KCP: variants seen among roughly 807,000 people sequenced by gnomAD.
KCP encodes kielin/chordin-like protein.
In KCP, 194 loss-of-function variants were observed where a neutral mutation model predicts 212.7. That is an observed-to-expected ratio of 0.91 (90% CI 0.81 to 1.03). KCP has a LOEUF of 1.03. Ranked by LOEUF, KCP falls within the 50% of genes least tolerant of loss-of-function variation. KCP has a pLI of 0.00. For missense variants in KCP, 2,080 were observed against 2,162.5 expected (o/e 0.96, Z 0.76); for synonymous variants, 833 against 865.3 (o/e 0.96, Z 0.65).
At chr7:128,888,341 CACACACAT>C (rs779009943) in intron 22 of KCP, among the ~76,000 whole-genome samples, 28,527 of 144,648 alleles carry the variant, frequency 0.2, 3,340 homozygotes, top group East Asian at 0.5. Context: ...CACACACACA[CACACACAT>C]ACACAGATAC....
In KCP at chr7:128,907,424, C is replaced by T. The variant is rs1394522086; in HGVS notation, c.249G>A (p.Gln83=). 1.3e-6 allele frequency: 2 copies of T among 1,509,338 alleles called. No individual in the cohort carries two copies. Among genetic ancestry groups the T allele is most frequent in the African/African-American group, 1.4e-5 (1 of 71,778 alleles). The allele number at this position is 1,509,338 out of a possible 1,614,324, so 93.5% of individuals were successfully genotyped here. Residue 83 remains glutamine, a synonymous_variant, in exon 3 of 40, where the codon CAG becomes CAA. Transcript: ENST00000610776. ...CAGGGTGGCACTCACAGGACTCCAG[C>T]TGCCTCACCCTCGTCTGCAGGTCCT... ...QNKDLQTRVR[Q]LESCECHPAS... is the part of the protein sequence containing the mutation.
intron 27 of KCP, 112 bp downstream of exon 27, chr7:128,884,985 G>A (rs540076614): frequency 2.2e-5 from 33 of 1,497,454 alleles, no homozygotes; most frequent in African/African-American, 1.9e-4. Context: ...GCACAAGGAC[G>A]GAGGCCACTT....
In KCP at chr7:128,887,389, A is replaced by C; in HGVS notation, c.2513-89T>G. On this transcript the variant is annotated intron_variant, in intron 22 of 39. Coordinates refer to ENST00000610776, the MANE Select transcript of KCP (RefSeq NM_001366122.1). ...ACACAGCCCCTCCCCCTCCACACAT[A>C]CACAGCCACAGCCACAGACACACAC... The C allele has an allele frequency of 3.0e-6, 3 of 985,912 alleles. No homozygotes were observed. The South Asian group carries it at 4.1e-5, about 14-fold the overall frequency. The allele number at this position is 985,912 out of a possible 1,614,324, so 61.1% of individuals were successfully genotyped here.
At position 128,886,402 on chromosome 7, in the gene KCP, G is replaced by C. The variant is rs1027877953; in HGVS notation, c.2866+62C>G. 4 of 1,372,352 alleles carry C rather than the reference G, an allele frequency of 2.9e-6. No individual in the cohort carries two copies. In the African/African-American group the frequency reaches 4.4e-5, roughly 15 times the overall value. The allele number at this position is 1,372,352 out of a possible 1,614,324, so 85.0% of individuals were successfully genotyped here. On this transcript the variant is annotated intron_variant, in intron 26 of 39. Transcript: ENST00000610776. The stretch of plus-strand genomic sequence containing the variant: ...AGCTGGCTGAGGGGAGGGAGGTGGG[G>C]TGGACAGAGGGACACAGGGCCAAGG...
At chr7:128,905,903 G>A (rs1585256742) in intron 5 of KCP, among the ~76,000 whole-genome samples, 1 of 152,034 alleles carries the variant, frequency 6.6e-6, no homozygotes, top group African/African-American at 2.4e-5. Flanking sequence ...GCCCAGCCTC[G>A]ACGGGCTTCC....
At chr7:128,882,360 G>C (rs1323312562) in intron 29 of KCP, among the ~76,000 whole-genome samples, 1 of 152,150 alleles carries the variant, frequency 6.6e-6, no homozygotes, top group African/African-American at 2.4e-5. Flanking sequence ...GGCTACAACT[G>C]CGCAGGGAAG....
chr7:128,879,987 G>T lies in KCP; in HGVS notation c.3858C>A (p.Phe1286Leu). The T allele has an allele frequency of 6.4e-7, 1 of 1,550,598 alleles. No individual in the cohort carries two copies. ...CCTGGAAGTGCAGCAGGCGGCCGTC[G>T]AAGGTGCGGTAATGGGGGTCTCCGA... ...MAFGDPHYRTFDGRLLHFQGS... is the reference protein window; with the variant it reads ...MAFGDPHYRTLDGRLLHFQGS... Residue 1286 changes from phenylalanine to leucine, a missense_variant, in exon 35 of 40, where the codon TTC becomes TTA. Coordinates refer to ENST00000610776, the MANE Select transcript of KCP (RefSeq NM_001366122.1).
chr7:128,880,143 G>C, intron 34 of KCP, 58 bp from the exon 35 acceptor site: 1 of 1,455,002 alleles, frequency 6.9e-7, no homozygotes, highest in Non-Finnish European at 9.1e-7. Context: ...GCCTCTCGCA[G>C]ACCCTCCCAG....
At position 128,884,060 on chromosome 7, in the gene KCP, G is replaced by T; in HGVS notation, c.3186C>A (p.Gly1062=). The change falls in exon 29 of 40, where the codon GGC becomes GGA. Residue 1062 remains glycine, a synonymous_variant. Coordinates refer to ENST00000610776, the MANE Select transcript of KCP (RefSeq NM_001366122.1). ...GGGGCAGGAGCTGGCTGGGGGGGCA[G>T]CCCACCAGGCTGGGACACTGCCGCC... ...CHRRQCPSLV[G]CPPSQLLPPG... 6.5e-7 allele frequency: 1 copy of T among 1,544,778 alleles called. No individual in the cohort carries two copies. The highest frequency in any genetic ancestry group is 8.7e-7 in the Non-Finnish European group (1 of 1,145,136).
chr7:128,899,167 T>C lies in KCP; in HGVS notation c.831+3610A>G, dbSNP rs192764912. Among the ~76,000 whole-genome samples the C allele has an allele frequency of 4.6e-5, 7 of 152,340 alleles. No homozygotes were observed. In the East Asian group the frequency reaches 1.2e-3, roughly 25 times the overall value. The stretch of plus-strand genomic sequence containing the variant: ...GTGTTACTGGTATGTGTTCCAAAAT[T>C]ATAAGAAACTCCTATAATGCTGATA... On this transcript the variant is annotated intron_variant, in intron 8 of 39. Transcript: ENST00000610776.
intron 5 of KCP, 144 bp downstream of exon 5, chr7:128,906,135 A>G: frequency 1.5e-6 from 1 of 679,884 alleles, no homozygotes; most frequent in Non-Finnish European, 2.6e-6. Context: ...TGATTTGTGC[A>G]TGGGTTCTGC....
At chr7:128,907,236 C>T (rs1795168416) in intron 3 of KCP, 28 bp downstream of exon 3, 1 of 1,536,716 alleles carries the variant, frequency 6.5e-7, no homozygotes, top group Non-Finnish European at 8.8e-7. Context: ...TTTAGGTGGC[C>T]CCAGTGGGCG....
chr7:128,890,719 G>C (rs1203835443), intron 20 of KCP, among the ~76,000 whole-genome samples, 186 bp downstream of exon 20: 1 of 151,662 alleles, frequency 6.6e-6, no homozygotes, highest in East Asian at 2.0e-4. Context: ...TGGGGGGCTG[G>C]GGGCCGTGGG....
chr7:128,881,580 C>T (rs1793336603), intron 31 of KCP, 46 bp downstream of exon 31: 2 of 1,357,070 alleles, frequency 1.5e-6, no homozygotes, highest in South Asian at 1.6e-5. Context: ...TCCTGTGTTC[C>T]CCCTGGGCTC....
chr7:128,890,544 T>G (rs1585218849), intron 20 of KCP, 31 bp from the exon 21 acceptor site: 1 of 1,328,168 alleles, frequency 7.5e-7, no homozygotes. Context: ...TGGGGGGCCG[T>G]GGGGACTAGA....
chr7:128,893,782 G>C, intron 11 of KCP, 24 bp downstream of exon 11: 1 of 1,545,430 alleles, frequency 6.5e-7, no homozygotes, highest in African/African-American at 1.4e-5. Context: ...TGCCCCTCCC[G>C]CAGAGACCCC....
chr7:128,889,781 G>C (rs1330186539), intron 21 of KCP, among the ~76,000 whole-genome samples: 1 of 152,176 alleles, frequency 6.6e-6, no homozygotes, highest in Non-Finnish European at 1.5e-5. Flanking sequence ...TCGCACAAGA[G>C]TGAGGGAAGA....
intron 26 of KCP, 73 bp downstream of exon 26, chr7:128,886,387 GGGGA>G: frequency 8.1e-7 from 1 of 1,233,944 alleles, no homozygotes; most frequent in African/African-American, 1.5e-5. Context: ...AGCTGGCTGA[GGGGA>G]GGGAGGTGGG....
At chr7:128,887,952 C>CAT (rs760681589) in intron 22 of KCP, among the ~76,000 whole-genome samples, 14 of 149,706 alleles carry the variant, frequency 9.4e-5, no homozygotes, top group Non-Finnish European at 1.8e-4. Context: ...GCCACACACA[C>CAT]ATCCCCACAT....
Sources: gnomAD v4.1 joint callset for allele counts (sites outside exome capture counted in the v4.1 genomes callset) on GRCh38, gnomAD v4.1.1 for gene constraint, MANE v1.5 for transcripts, NCBI Gene and HGNC (gene_info 2026-07-23, HGNC 2026-07-21) for gene names.